SNX29: variants seen among roughly 807,000 people sequenced by gnomAD.
SNX29 encodes sorting nexin 29, also known as sorting nexin-29.
A neutral mutation model predicts 102.1 loss-of-function variants in SNX29; 78 were observed. The observed-to-expected ratio is 0.76, with a 90% CI of 0.64 to 0.92. The LOEUF is 0.92. Among genes scored for constraint, SNX29 ranks in the 40% least tolerant of loss-of-function variants. The pLI is 0.00. For missense variants in SNX29, 1,280 were observed against 1,061.7 expected, an observed-to-expected ratio of 1.21 and a Z score of -2.86; for synonymous variants, 580 against 414.5, an observed-to-expected ratio of 1.40 and a Z score of -4.85.
intron 11 of SNX29, among the ~76,000 whole-genome samples, chr16:12,104,068 G>A (rs1475104794): frequency 6.6e-6 from 1 of 152,210 alleles, no homozygotes; most frequent in Admixed American, 6.5e-5. Context: ...AGATGAGGCA[G>A]CAGAAAAAGT....
chr16:12,442,549 A>AGGCTATAT (rs1169399667), intron 18 of SNX29, among the ~76,000 whole-genome samples: 1 of 151,724 alleles, frequency 6.6e-6, no homozygotes, highest in Admixed American at 6.6e-5. Context: ...AGGCAGCCAT[A>AGGCTATAT]GGCTATATGT....
In SNX29 at chr16:12,570,881, C is replaced by G. The variant is rs533860223; in HGVS notation, c.*2252C>G. On this transcript the variant is annotated 3_prime_UTR_variant, in exon 21 of 21. Coordinates refer to ENST00000566228, the MANE Select transcript of SNX29 (RefSeq NM_032167.5). ...GAAACTGCCTCCTACTTTTATAATA[C>G]TGAATTATTCACAAAAAACCTGGTC... is the stretch of plus-strand genomic sequence containing the variant. 1 of 231,610 alleles carries G rather than the reference C, an allele frequency of 4.3e-6. No homozygotes were observed. The highest frequency in any genetic ancestry group is 2.2e-5 in the African/African-American group (1 of 45,274). The allele number at this position is 231,610 out of a possible 1,614,324, so 14.3% of individuals were successfully genotyped here.
At chr16:12,369,057 C>T (rs560568286) in intron 16 of SNX29, among the ~76,000 whole-genome samples, 1 of 152,266 alleles carries the variant, frequency 6.6e-6, no homozygotes, top group South Asian at 2.1e-4. Flanking sequence ...CCCCAGACTC[C>T]ACTCACCTCT....
chr16:12,389,502 C>G (rs956727145), intron 16 of SNX29, among the ~76,000 whole-genome samples: 1 of 152,214 alleles, frequency 6.6e-6, no homozygotes, highest in Non-Finnish European at 1.5e-5. Context: ...TCTTCCTTGC[C>G]TTCCACCGTG....
At chr16:12,280,520 CCTT>C (rs1172421585) in intron 15 of SNX29, among the ~76,000 whole-genome samples, 1 of 151,538 alleles carries the variant, frequency 6.6e-6, no homozygotes, top group African/African-American at 2.4e-5. Context: ...CCTTTCTTTT[CCTT>C]CTTGTTTGTT....
chr16:12,433,031 A>T (rs1389511390), intron 18 of SNX29, among the ~76,000 whole-genome samples: 1 of 152,192 alleles, frequency 6.6e-6, no homozygotes, highest in Non-Finnish European at 1.5e-5. Flanking sequence ...CACTAGGAAT[A>T]TGCAGAATGT....
intron 18 of SNX29, among the ~76,000 whole-genome samples, chr16:12,472,685 G>A (rs559476226): frequency 5.9e-5 from 9 of 152,188 alleles, no homozygotes; most frequent in East Asian, 3.9e-4. Flanking sequence ...AAAAGAAAGC[G>A]TCTCCTTGAG....
At chr16:12,564,048 G>C (rs1395620731) in intron 20 of SNX29, among the ~76,000 whole-genome samples, 1 of 146,142 alleles carries the variant, frequency 6.8e-6, no homozygotes, top group Non-Finnish European at 1.5e-5. Flanking sequence ...GTAAAAGGTT[G>C]TGGTTTGGCA....
At chr16:12,445,335 C>A (rs559351262) in intron 18 of SNX29, among the ~76,000 whole-genome samples, 41 of 152,276 alleles carry the variant, frequency 2.7e-4, no homozygotes, top group Middle Eastern at 6.8e-3. Context: ...TTTGCTGAGG[C>A]CTTATCGAGA....
intron 7 of SNX29, among the ~76,000 whole-genome samples, chr16:12,049,343 T>A (rs1276208693): frequency 2.0e-5 from 3 of 151,892 alleles, no homozygotes; most frequent in Non-Finnish European, 1.5e-5. Context: ...CTTTTTTTTT[T>A]TTTTTTTGAG....
rs9921068 is a variant in SNX29, at chr16:12,107,057, A to G, written c.1403-19576A>G. Among the ~76,000 whole-genome samples the G allele has an allele frequency of 7.0e-3, 1,072 of 152,254 alleles. 8 individuals carry two copies. The highest frequency in any genetic ancestry group is 0.016 in the East Asian group (85 of 5,176). ...GGTCTTGAACTCCTGGGCTAAAGCA[A>G]TCCTCCCTCCTCGGCGTCCCAGAGT... is the stretch of plus-strand genomic sequence containing the variant. On this transcript the variant is annotated intron_variant, in intron 11 of 20. Transcript: ENST00000566228.
chr16:12,152,064 T>C (rs531569080), intron 13 of SNX29, among the ~76,000 whole-genome samples: 2 of 152,108 alleles, frequency 1.3e-5, no homozygotes, highest in East Asian at 3.9e-4. Context: ...ACAAAAAATA[T>C]AAAGAAATTA....
chr16:11,997,925 G>A (rs969550892), intron 1 of SNX29, among the ~76,000 whole-genome samples: 1 of 152,170 alleles, frequency 6.6e-6, no homozygotes, highest in Non-Finnish European at 1.5e-5. Flanking sequence ...TGACTTCCCC[G>A]AGCTTCAGCT....
intron 20 of SNX29, chr16:12,561,235 C>G (rs898739509): frequency 4.8e-5 from 11 of 229,972 alleles, no homozygotes; most frequent in African/African-American, 2.0e-4. Flanking sequence ...GAAGGCAGAG[C>G]AAGGCCACTC....
Position 12,131,658 on chromosome 16 carries a change from C to T in SNX29, c.1595+1900C>T, listed in dbSNP as rs565871689. On this transcript the variant is annotated intron_variant, in intron 13 of 20. Transcript: ENST00000566228. ...TTTAGGAAAGATAAGCAGTTTATTG[C>T]TTGTTCTGTAAATCTACTTTAAAAT... Among the ~76,000 whole-genome samples the T allele has an allele frequency of 1.7e-4, 26 of 152,216 alleles. No homozygotes were observed. In the Middle Eastern group the frequency reaches 0.01, roughly 60 times the overall value.
At chr16:12,234,393 T>C (rs1475795699) in intron 14 of SNX29, among the ~76,000 whole-genome samples, 3 of 152,186 alleles carry the variant, frequency 2.0e-5, no homozygotes, top group Admixed American at 1.3e-4. Flanking sequence ...CTTCTGTCCA[T>C]TGCTTAATTT....
At chr16:12,073,752 A>G (rs1295031967) in intron 10 of SNX29, among the ~76,000 whole-genome samples, 2 of 152,082 alleles carry the variant, frequency 1.3e-5, no homozygotes, top group African/African-American at 4.8e-5. Flanking sequence ...TGATCTGTCT[A>G]ATGTTGACAG....
intron 11 of SNX29, among the ~76,000 whole-genome samples, chr16:12,079,165 T>C (rs550128926): frequency 1.8e-4 from 27 of 152,364 alleles, no homozygotes; most frequent in Middle Eastern, 3.4e-3. Flanking sequence ...CTTCTGTGGT[T>C]CCAGGTTTTG....
At chr16:12,464,028 C>G (rs2086937673) in intron 18 of SNX29, among the ~76,000 whole-genome samples, 1 of 152,032 alleles carries the variant, frequency 6.6e-6, no homozygotes, top group Non-Finnish European at 1.5e-5. Context: ...ATCCCCCCAG[C>G]CCCTGGCAAC....
Sources: allele counts gnomAD v4.1 joint callset (sites outside exome capture counted in the v4.1 genomes callset), GRCh38; gene constraint gnomAD v4.1.1; transcripts MANE v1.5; gene names NCBI Gene and HGNC (gene_info 2026-07-23, HGNC 2026-07-21).